TBXAS1: variants seen among roughly 807,000 people sequenced by gnomAD.
TBXAS1 encodes the protein thromboxane A synthase 1.
In TBXAS1, 48 loss-of-function variants were observed where a neutral mutation model predicts 60.7. That is an observed-to-expected ratio of 0.79 (90% CI 0.63 to 1.01). The LOEUF is 1.01. Among genes scored for constraint, TBXAS1 ranks in the 50% least tolerant of loss-of-function variants. TBXAS1 has a pLI of 0.00. For synonymous variants in TBXAS1, 287 were observed against 269.7 expected (o/e 1.06, Z -0.63); for missense variants, 685 against 686.3 (o/e 1.00, Z 0.02).
intron 8 of TBXAS1, among the ~76,000 whole-genome samples, chr7:139,960,154 G>C (rs533421917): frequency 6.6e-6 from 1 of 152,212 alleles, no homozygotes; most frequent in Non-Finnish European, 1.5e-5. Context: ...CTCAAGGTCT[G>C]TGGCACCCAT....
chr7:139,797,268 A>T (rs1797597239), intron 4 of TBXAS1: 2 of 152,150 alleles, frequency 1.3e-5, no homozygotes, highest in Admixed American at 1.3e-4. Flanking sequence ...AGCCACAGAA[A>T]ATCATTTTAG....
intron 2 of TBXAS1, among the ~76,000 whole-genome samples, chr7:139,782,265 G>A (rs1797028294): frequency 6.6e-6 from 1 of 151,446 alleles, no homozygotes; most frequent in Admixed American, 6.6e-5. Flanking sequence ...TTAACTTCAG[G>A]GTGCATTGAA....
chr7:139,856,409 T>TGAGGGATGAGTGTGTCAATGGAA (rs1800587322), intron 1 of TBXAS1, among the ~76,000 whole-genome samples: 1 of 152,090 alleles, frequency 6.6e-6, no homozygotes, highest in African/African-American at 2.4e-5. Context: ...AACTCAGAAC[T>TGAGGGATGAGTGTGTCAATGGAA]GAGGGATGAG....
At chr7:139,989,622 C>T (rs1812747163) in intron 9 of TBXAS1, among the ~76,000 whole-genome samples, 1 of 152,192 alleles carries the variant, frequency 6.6e-6, no homozygotes, top group Admixed American at 6.5e-5. Context: ...TGGGAAGAGA[C>T]CTCACAGCAT....
chr7:139,926,845 G>A (rs1324074687), intron 4 of TBXAS1, among the ~76,000 whole-genome samples: 1 of 151,910 alleles, frequency 6.6e-6, no homozygotes, highest in Non-Finnish European at 1.5e-5. Flanking sequence ...TTTGTTTCCA[G>A]AAATTTTTCA....
intron 8 of TBXAS1, among the ~76,000 whole-genome samples, chr7:139,960,868 TC>T: frequency 6.6e-6 from 1 of 152,318 alleles, no homozygotes; most frequent in South Asian, 2.1e-4. Context: ...CTAATATTTT[TC>T]TGTTGGTGAT....
chr7:139,899,156 G>A (rs181310777), intron 3 of TBXAS1, among the ~76,000 whole-genome samples: 1 of 152,234 alleles, frequency 6.6e-6, no homozygotes, highest in East Asian at 1.9e-4. Flanking sequence ...CACAGAGTAT[G>A]TGCTCAATAA....
chr7:139,872,384 G>A, intron 2 of TBXAS1, 56 bp downstream of exon 2: 1 of 1,544,522 alleles, frequency 6.5e-7, no homozygotes. Flanking sequence ...GCCAGGCACA[G>A]TGGCTCATGG....
intron 3 of TBXAS1, among the ~76,000 whole-genome samples, chr7:139,879,863 T>TGC (rs1802553851): frequency 6.6e-6 from 1 of 151,192 alleles, no homozygotes; most frequent in Non-Finnish European, 1.5e-5. Flanking sequence ...TGTGTGTGTG[T>TGC]GTGTGTGTGT....
intron 1 of TBXAS1, among the ~76,000 whole-genome samples, chr7:139,857,895 A>C (rs891826172): frequency 6.6e-6 from 1 of 151,558 alleles, no homozygotes; most frequent in African/African-American, 2.4e-5. Context: ...CACACCTGGC[A>C]ATTTTTAAAA....
intron 1 of TBXAS1, among the ~76,000 whole-genome samples, chr7:139,840,090 G>A (rs1799337409): frequency 6.6e-6 from 1 of 151,826 alleles, no homozygotes; most frequent in South Asian, 2.1e-4. Context: ...TGATTATTAA[G>A]ATTTAAGACT....
chr7:140,020,166 C>CGAA lies in TBXAS1; in HGVS notation c.*67_*68insGAA, dbSNP rs776938724. On this transcript the variant is annotated 3_prime_UTR_variant, in exon 13 of 13. Coordinates refer to ENST00000448866, the MANE Select transcript of TBXAS1 (RefSeq NM_001061.7). ...AAAGAAAACCCTAAGTGTGGATGTT[C>CGAA]AGAATTTTGGAAAAATGTCACTGAA... 6.5e-7 allele frequency: 1 copy of CGAA among 1,528,858 alleles called. No homozygotes were observed. Among genetic ancestry groups the CGAA allele is most frequent in the Non-Finnish European group, 9.1e-7 (1 of 1,103,978 alleles). 94.7% of individuals were successfully genotyped at this position (1,528,858 alleles called of 1,614,324 possible). A position where few individuals can be genotyped will look rare whatever the true frequency, so the allele number is the denominator to read the frequency against.
chr7:140,014,502 G>A lies in TBXAS1; in HGVS notation c.1227-1221G>A, dbSNP rs556612228. Reference sequence around the variant, plus strand: ...GGGAAGTGCCAGGATTTAAGAGGCTGGTGGATGCAGAAGAGCCTGCCAATG... The same window carrying A: ...GGGAAGTGCCAGGATTTAAGAGGCTAGTGGATGCAGAAGAGCCTGCCAATG... On this transcript the variant is annotated intron_variant, in intron 10 of 12. Transcript: ENST00000448866. 3.9e-5 allele frequency among the ~76,000 whole-genome samples: 6 copies of A among 152,266 alleles called. No homozygotes were observed. In the South Asian group the frequency reaches 1.2e-3, roughly 32 times the overall value.
At chr7:139,979,253 C>T (rs1811791154) in intron 9 of TBXAS1, among the ~76,000 whole-genome samples, 1 of 152,136 alleles carries the variant, frequency 6.6e-6, no homozygotes, top group South Asian at 2.1e-4. Context: ...CTAGGGTGTC[C>T]CCTCTCTGTC....
At chr7:139,904,209 T>G (rs1804795222) in intron 3 of TBXAS1, among the ~76,000 whole-genome samples, 1 of 152,102 alleles carries the variant, frequency 6.6e-6, no homozygotes, top group African/African-American at 2.4e-5. Flanking sequence ...GGGTGTCCTT[T>G]CCCTACTTCA....
chr7:139,979,595 G>A (rs1409956894), intron 9 of TBXAS1, among the ~76,000 whole-genome samples: 10 of 151,830 alleles, frequency 6.6e-5, no homozygotes, highest in Admixed American at 3.9e-4. Context: ...GCTTGGTGGC[G>A]TGAGCCTGTA....
chr7:139,899,297 G>A (rs759224369), intron 3 of TBXAS1, among the ~76,000 whole-genome samples: 2 of 152,106 alleles, frequency 1.3e-5, no homozygotes, highest in Admixed American at 6.5e-5. Flanking sequence ...GGTGCCTGTA[G>A]GTGACCCCCT....
intron 9 of TBXAS1, among the ~76,000 whole-genome samples, chr7:139,995,016 G>T (rs1323407765): frequency 6.6e-6 from 1 of 152,206 alleles, no homozygotes; most frequent in African/African-American, 2.4e-5. Flanking sequence ...GAGCTGGGGA[G>T]CGCAGGAAAC....
intron 4 of TBXAS1, among the ~76,000 whole-genome samples, chr7:139,915,385 T>C (rs1805890700): frequency 6.6e-6 from 1 of 152,254 alleles, no homozygotes; most frequent in South Asian, 2.1e-4. Flanking sequence ...TCAGCTTTAT[T>C]ATACATTCAC....
Sources: allele counts gnomAD v4.1 joint callset (sites outside exome capture counted in the v4.1 genomes callset), GRCh38; gene constraint gnomAD v4.1.1; transcripts MANE v1.5; gene names NCBI Gene and HGNC (gene_info 2026-07-23, HGNC 2026-07-21).